Variants in CA10 observed in about 807,000 individuals in gnomAD.
CA10 encodes the protein carbonic anhydrase-related protein 10.
In CA10, 14 loss-of-function variants were observed where a neutral mutation model predicts 44.2. The observed-to-expected ratio is 0.32, with a 90% CI of 0.21 to 0.50. CA10 has a LOEUF of 0.50. Ranked by LOEUF, CA10 falls within the 20% of genes least tolerant of loss-of-function variation. The pLI is 0.99. For missense variants in CA10, 350 were observed against 409.7 expected, an observed-to-expected ratio of 0.85 and a Z score of 1.26; for synonymous variants, 159 against 141.6, an observed-to-expected ratio of 1.12 and a Z score of -0.87.
At chr17:52,145,578 G>C (rs775487304) in intron 1 of CA10, among the ~76,000 whole-genome samples, 1 of 152,096 alleles carries the variant, frequency 6.6e-6, no homozygotes, top group African/African-American at 2.4e-5. Context: ...TACTTAAGAA[G>C]GCTTAAAATT....
At chr17:51,778,741 C>T (rs373353638) in intron 3 of CA10, among the ~76,000 whole-genome samples, 11 of 152,188 alleles carry the variant, frequency 7.2e-5, no homozygotes, top group African/African-American at 2.4e-4. Flanking sequence ...CTTTCTGTTT[C>T]CGAAACAATC....
intron 3 of CA10, among the ~76,000 whole-genome samples, chr17:51,865,533 G>T (rs140325790): frequency 5.3e-5 from 8 of 152,180 alleles, no homozygotes; most frequent in African/African-American, 1.4e-4. Flanking sequence ...CTGCCAGGCC[G>T]CAGGGCAGTG....
At chr17:51,691,825 T>A (rs184220822) in intron 4 of CA10, among the ~76,000 whole-genome samples, 1 of 150,988 alleles carries the variant, frequency 6.6e-6, no homozygotes, top group African/African-American at 2.5e-5. Flanking sequence ...TTGAAGAGAC[T>A]GTCCTTTCCC....
intron 2 of CA10, among the ~76,000 whole-genome samples, chr17:51,934,854 C>T (rs1230679777): frequency 6.6e-6 from 1 of 152,114 alleles, no homozygotes; most frequent in African/African-American, 2.4e-5. Context: ...GTCTAGGGAA[C>T]TCAAGTGCCG....
intron 3 of CA10, among the ~76,000 whole-genome samples, chr17:51,900,885 T>C (rs1004588418): frequency 2.6e-5 from 4 of 152,206 alleles, no homozygotes; most frequent in Admixed American, 6.5e-5. Flanking sequence ...TCTTAAAATA[T>C]TCATTTTGTC....
intron 3 of CA10, among the ~76,000 whole-genome samples, chr17:51,843,972 T>C (rs980159961): frequency 2.0e-5 from 3 of 152,212 alleles, no homozygotes; most frequent in East Asian, 1.9e-4. Context: ...ACATCATAAC[T>C]GATCTCTCAC....
At chr17:52,046,513 C>G (rs1478926450) in intron 2 of CA10, among the ~76,000 whole-genome samples, 2 of 151,678 alleles carry the variant, frequency 1.3e-5, no homozygotes, top group African/African-American at 4.8e-5. Context: ...CCAAAGCTTA[C>G]TGTAGAAGAA....
At chr17:52,112,663 G>T (rs565892537) in intron 1 of CA10, among the ~76,000 whole-genome samples, 191 of 152,296 alleles carry the variant, frequency 1.3e-3, no homozygotes, top group African/African-American at 4.5e-3. Flanking sequence ...TTGATAGGAA[G>T]ATTGAGTAAG....
At chr17:51,804,070 C>A (rs1479397660) in intron 3 of CA10, among the ~76,000 whole-genome samples, 1 of 152,108 alleles carries the variant, frequency 6.6e-6, no homozygotes, top group Non-Finnish European at 1.5e-5. Flanking sequence ...AGTCACTGTG[C>A]ATAATAAATT....
At chr17:51,849,205 GTA>G (rs550889856) in intron 3 of CA10, among the ~76,000 whole-genome samples, 2,399 of 50,374 alleles carry the variant, frequency 0.048, 102 homozygotes, top group South Asian at 0.15. Flanking sequence ...ATACATATAT[GTA>G]TATATATATA....
At chr17:51,964,411 A>T (rs1323323290) in intron 2 of CA10, among the ~76,000 whole-genome samples, 1 of 152,080 alleles carries the variant, frequency 6.6e-6, no homozygotes, top group Non-Finnish European at 1.5e-5. Flanking sequence ...GTTGGACCTA[A>T]TGGACATCTA....
At chr17:51,805,533 T>C (rs187834132) in intron 3 of CA10, among the ~76,000 whole-genome samples, 180 of 152,272 alleles carry the variant, frequency 1.2e-3, no homozygotes, top group African/African-American at 4.2e-3. Context: ...CTCAGATCAA[T>C]CAAATCAGAA....
At chr17:52,087,997 CAT>C (rs1382032923) in intron 1 of CA10, among the ~76,000 whole-genome samples, 16 of 152,258 alleles carry the variant, frequency 1.1e-4, no homozygotes, top group African/African-American at 3.6e-4. Context: ...CCAAATACCA[CAT>C]GTTTTCACAA....
chr17:51,879,749 C>A (rs1980278588), intron 3 of CA10, among the ~76,000 whole-genome samples: 1 of 152,148 alleles, frequency 6.6e-6, no homozygotes, highest in East Asian at 1.9e-4. Flanking sequence ...GCATGAGGAG[C>A]AGAAATGAAA....
chr17:52,006,369 T>A (rs1213312627), intron 2 of CA10, among the ~76,000 whole-genome samples: 34 of 151,882 alleles, frequency 2.2e-4, no homozygotes, highest in Admixed American at 2.2e-3. Context: ...AATAAAAATT[T>A]CATAAAATTT....
chr17:52,001,405 T>A (rs369392293), intron 2 of CA10, among the ~76,000 whole-genome samples: 1 of 152,094 alleles, frequency 6.6e-6, no homozygotes, highest in East Asian at 1.9e-4. Flanking sequence ...AGAGCTCAAC[T>A]TAGAGATCTT....
rs144477542 is a variant in CA10, at chr17:51,909,291, G to T, written c.279+21699C>A. Among the ~76,000 whole-genome samples, 5 of 152,248 alleles carry T rather than the reference G, an allele frequency of 3.3e-5. No homozygotes were observed. In the East Asian group the frequency reaches 9.7e-4, roughly 29 times the overall value. ...CCTGGTTCTGTAGAATTACACTGAA[G>T]GGGGAGCTCAGAGTTCTTTGGAACT... On this transcript the variant is annotated intron_variant, in intron 3 of 8. Transcript: ENST00000451037.
intron 2 of CA10, among the ~76,000 whole-genome samples, chr17:51,933,059 C>T (rs890303007): frequency 6.6e-6 from 1 of 152,146 alleles, no homozygotes; most frequent in African/African-American, 2.4e-5. Flanking sequence ...GGGATATAGT[C>T]ATGGCACCTC....
chr17:51,656,042 G>A (rs1478890250), intron 4 of CA10, among the ~76,000 whole-genome samples: 1 of 152,142 alleles, frequency 6.6e-6, no homozygotes, highest in Non-Finnish European at 1.5e-5. Flanking sequence ...CAGGGACTGG[G>A]GGGTTCTCAC....
Sources: gnomAD v4.1 joint callset for allele counts (sites outside exome capture counted in the v4.1 genomes callset) on GRCh38, gnomAD v4.1.1 for gene constraint, MANE v1.5 for transcripts, NCBI Gene and HGNC (gene_info 2026-07-23, HGNC 2026-07-21) for gene names.